Variants in RYR2 observed in about 807,000 individuals in gnomAD.
RYR2 encodes the protein ryanodine receptor 2, also known as cardiac muscle ryanodine receptor-calcium release channel.
RYR2 carries 227 observed loss-of-function variants against 601.1 expected under a neutral mutation model. The observed-to-expected ratio is 0.38, with a 90% CI of 0.34 to 0.42. The LOEUF (loss-of-function observed/expected upper bound fraction) is 0.42, where lower values mean the gene tolerates loss of function less well. RYR2 is among the 10% of genes least tolerant of loss of function. The pLI, the probability that RYR2 is intolerant of heterozygous loss-of-function variation, is 1.00. For synonymous variants in RYR2, 2,223 were observed against 2,175.1 expected (o/e 1.02, Z -0.61); for missense variants, 4,646 against 6,156.5 (o/e 0.75, Z 8.21).
chr1:237,352,193 C>A (rs1558668861), intron 3 of RYR2, among the ~76,000 whole-genome samples: 1 of 151,814 alleles, frequency 6.6e-6, no homozygotes, highest in Non-Finnish European at 1.5e-5. Flanking sequence ...TCTTTCAAGG[C>A]AGTGTTGAAT....
At chr1:237,521,293 C>T (rs575325720) in intron 24 of RYR2, among the ~76,000 whole-genome samples, 61 of 152,308 alleles carry the variant, frequency 4.0e-4, no homozygotes, top group Non-Finnish European at 7.9e-4. Context: ...ATAGACACAA[C>T]AGTCCTCAAC....
rs1243347046 is a variant in RYR2 at position 237,669,478 on chromosome 1, C to T, written c.8590+1520C>T. On this transcript the variant is annotated intron_variant, in intron 58 of 104. Transcript: ENST00000366574. ...CCGGGCAGAGGCGCCCCTCACCTCCCGGACGGGGCGGCTGGCCGGGCGGGG... is the reference window on the plus strand; with the variant it reads ...CCGGGCAGAGGCGCCCCTCACCTCCTGGACGGGGCGGCTGGCCGGGCGGGG... Among the ~76,000 whole-genome samples the T allele has an allele frequency of 1.3e-4, 20 of 148,466 alleles. 1 individual carries two copies. The East Asian group carries it at 2.6e-3, about 20-fold the overall frequency.
intron 63 of RYR2, among the ~76,000 whole-genome samples, chr1:237,694,293 CAAAA>C (rs35085689): frequency 5.4e-5 from 5 of 91,912 alleles, no homozygotes; most frequent in Non-Finnish European, 4.5e-5. Context: ...GACTCCCTCT[CAAAA>C]AAAAAAAAAA....
intron 3 of RYR2, among the ~76,000 whole-genome samples, chr1:237,355,301 A>G (rs1437162364): frequency 6.6e-6 from 1 of 152,164 alleles, no homozygotes; most frequent in Non-Finnish European, 1.5e-5. Flanking sequence ...AGGGCGTTGT[A>G]GAGACAGTCT....
At chr1:237,171,174 C>T (rs921587184) in intron 1 of RYR2, among the ~76,000 whole-genome samples, 3 of 149,264 alleles carry the variant, frequency 2.0e-5, no homozygotes, top group Non-Finnish European at 4.4e-5. Flanking sequence ...GCGGAGCTTG[C>T]AGTGAGCCGA....
chr1:237,720,733 A>C (rs1689648960), intron 73 of RYR2, among the ~76,000 whole-genome samples: 1 of 152,222 alleles, frequency 6.6e-6, no homozygotes, highest in Non-Finnish European at 1.5e-5. Context: ...TTCAACAATT[A>C]CTGAGTTAGA....
intron 12 of RYR2, among the ~76,000 whole-genome samples, chr1:237,429,128 C>G (rs1371681879): frequency 6.6e-6 from 1 of 152,070 alleles, no homozygotes; most frequent in Non-Finnish European, 1.5e-5. Flanking sequence ...AAGCAGGGAC[C>G]CTGTCCTCCC....
chr1:237,071,446 A>G (rs926999058), intron 1 of RYR2, among the ~76,000 whole-genome samples: 2 of 151,480 alleles, frequency 1.3e-5, no homozygotes, highest in African/African-American at 4.9e-5. Context: ...CTGGTCTCGA[A>G]CTCCTGACCT....
At position 237,325,464 on chromosome 1, in the gene RYR2, G is replaced by A. The variant is rs568836499; in HGVS notation, c.169-5414G>A. ...AGCACTTTGGGAGGCCGAGGCAGGC[G>A]GATCATGAGGTCAGGAGATCGAGAC... On this transcript the variant is annotated intron_variant, in intron 2 of 104. Coordinates refer to ENST00000366574, the MANE Select transcript of RYR2 (RefSeq NM_001035.3). Among the ~76,000 whole-genome samples the A allele has an allele frequency of 7.2e-5, 11 of 152,122 alleles. No homozygotes were observed. In the South Asian group the frequency reaches 1.2e-3, roughly 17 times the overall value.
At chr1:237,247,586 GC>G (rs1686985141) in intron 1 of RYR2, among the ~76,000 whole-genome samples, 1 of 152,174 alleles carries the variant, frequency 6.6e-6, no homozygotes, top group Admixed American at 6.5e-5. Flanking sequence ...AAGAAAAGGG[GC>G]TCAGATGACA....
intron 12 of RYR2, among the ~76,000 whole-genome samples, chr1:237,437,162 A>G (rs1365171770): frequency 6.6e-6 from 1 of 151,726 alleles, no homozygotes; most frequent in Non-Finnish European, 1.5e-5. Flanking sequence ...CTCCTGCCTC[A>G]GCCTCCCAAG....
intron 1 of RYR2, among the ~76,000 whole-genome samples, chr1:237,164,388 G>T (rs910261707): frequency 6.6e-6 from 1 of 152,208 alleles, no homozygotes; most frequent in African/African-American, 2.4e-5. Flanking sequence ...GCTTTCACAG[G>T]TGCCCAGCTG....
rs572803780 is a variant in RYR2, at chr1:237,082,056, C to T, written c.48+39487C>T. On this transcript the variant is annotated intron_variant, in intron 1 of 104. Coordinates refer to ENST00000366574, the MANE Select transcript of RYR2 (RefSeq NM_001035.3). Reference sequence around the variant, plus strand: ...CTGTCCTAGTGACACCCTGTGTCAGCGAGGTCCCCAGGGAGAATCTCAGTT... The same window carrying T: ...CTGTCCTAGTGACACCCTGTGTCAGTGAGGTCCCCAGGGAGAATCTCAGTT... Among the ~76,000 whole-genome samples, 18 of 152,196 alleles carry T rather than the reference C, an allele frequency of 1.2e-4. No individual in the cohort carries two copies. The East Asian group carries it at 2.3e-3, about 20-fold the overall frequency.
intron 13 of RYR2, 90 bp downstream of exon 13, chr1:237,441,573 T>A: frequency 8.0e-7 from 1 of 1,252,066 alleles, no homozygotes; most frequent in Non-Finnish European, 1.1e-6. Flanking sequence ...ATCTTTTTAG[T>A]CACCTGCAAA....
chr1:237,700,660 A>C (rs557749949), intron 65 of RYR2, among the ~76,000 whole-genome samples, 193 bp downstream of exon 65: 59 of 152,312 alleles, frequency 3.9e-4, no homozygotes, highest in Non-Finnish European at 3.5e-4. Flanking sequence ...TCTCTGAATT[A>C]CATGGACCCA....
intron 2 of RYR2, among the ~76,000 whole-genome samples, chr1:237,284,605 CAT>C (rs111789257): frequency 0.46 from 66,118 of 143,064 alleles, 17,403 homozygotes; most frequent in East Asian, 0.76. Flanking sequence ...CCCACACACA[CAT>C]ACACACCACA....
chr1:237,342,313 ATTTT>A (rs201847873), intron 3 of RYR2, among the ~76,000 whole-genome samples: 6 of 130,230 alleles, frequency 4.6e-5, no homozygotes, highest in Admixed American at 1.6e-4. Flanking sequence ...TGGCTAATTA[ATTTT>A]TTTTTTTTTT....
At chr1:237,116,427 G>A (rs964252034) in intron 1 of RYR2, among the ~76,000 whole-genome samples, 2 of 152,100 alleles carry the variant, frequency 1.3e-5, no homozygotes, top group Non-Finnish European at 2.9e-5. Flanking sequence ...AGACATAATA[G>A]GAGGTACTCT....
At chr1:237,478,361 A>G (rs1411921415) in intron 17 of RYR2, among the ~76,000 whole-genome samples, 1 of 152,152 alleles carries the variant, frequency 6.6e-6, no homozygotes, top group Non-Finnish European at 1.5e-5. Context: ...TAACCTGTCA[A>G]TGGGAATGGT....
Sources: allele counts gnomAD v4.1 joint callset (sites outside exome capture counted in the v4.1 genomes callset), GRCh38; gene constraint gnomAD v4.1.1; transcripts MANE v1.5; gene names NCBI Gene and HGNC (gene_info 2026-07-23, HGNC 2026-07-21).